Variants in PDSS2 observed in about 807,000 individuals in gnomAD.
PDSS2 encodes decaprenyl diphosphate synthase subunit 2, also known as all trans-polyprenyl-diphosphate synthase PDSS2.
Under a neutral mutation model 44.5 loss-of-function variants are expected in PDSS2, and 31 were observed. The ratio of observed to expected loss-of-function variants is 0.70; its 90% CI spans 0.52 to 0.94. The LOEUF (loss-of-function observed/expected upper bound fraction) is 0.94. PDSS2 is among the 40% of genes least tolerant of loss of function. The pLI, the probability that PDSS2 is intolerant of heterozygous loss-of-function variation, is 0.00. For missense variants in PDSS2, 452 were observed against 482.2 expected, an observed-to-expected ratio of 0.94 and a Z score of 0.59; for synonymous variants, 157 against 180.3, an observed-to-expected ratio of 0.87 and a Z score of 1.03.
chr6:107,289,130 TG>T (rs1776259756), intron 2 of PDSS2, among the ~76,000 whole-genome samples: 1 of 149,364 alleles, frequency 6.7e-6, no homozygotes, highest in Admixed American at 6.6e-5. Flanking sequence ...ACCAGCATTT[TG>T]GGAGGCCAAG....
intron 2 of PDSS2, among the ~76,000 whole-genome samples, chr6:107,284,027 A>T: frequency 6.6e-6 from 1 of 151,496 alleles, no homozygotes; most frequent in Non-Finnish European, 1.5e-5. Flanking sequence ...ACTCTGTTTC[A>T]AAAATAATAA....
intron 1 of PDSS2, among the ~76,000 whole-genome samples, chr6:107,368,543 G>T (rs967196356): frequency 6.6e-6 from 1 of 152,192 alleles, no homozygotes; most frequent in East Asian, 1.9e-4. Flanking sequence ...CAAAATCCCA[G>T]AAGACTTTTA....
intron 4 of PDSS2, among the ~76,000 whole-genome samples, chr6:107,218,647 GTATCTTA>G: frequency 6.6e-6 from 1 of 152,236 alleles, no homozygotes; most frequent in African/African-American, 2.4e-5. Context: ...ATCTAATATA[GTATCTTA>G]GGTGGGCAAT....
At position 107,173,572 on chromosome 6, in the gene PDSS2, C is replaced by CAAAAAA. The variant is rs71012783; in HGVS notation, c.1042-18801_1042-18796dup. Among the ~76,000 whole-genome samples, 214 of 41,450 alleles carry CAAAAAA rather than the reference C, an allele frequency of 5.2e-3. 28 individuals carry two copies. The highest frequency in any genetic ancestry group is 7.0e-3 in the African/African-American group (56 of 7,970). The allele number at this position is 41,450 out of a possible 152,430, so 27.2% of individuals were successfully genotyped here. ...CTGGTGATGGAATGAGACTCTGTCT[C>CAAAAAA]AAAAAAAAAAAAAAAAAAAAAAAAA... On this transcript the variant is annotated intron_variant, in intron 7 of 7. Coordinates refer to ENST00000369037, the MANE Select transcript of PDSS2 (RefSeq NM_020381.4).
chr6:107,376,121 A>C lies in PDSS2; in HGVS notation c.297-41789T>G, dbSNP rs573627906. On this transcript the variant is annotated intron_variant, in intron 1 of 7. Transcript: ENST00000369037. Reference sequence around the variant, plus strand: ...GCTCTGTTCTGTTCCATTGATTTATATTTCTGTTTTGGTACCAGTACCATG... The same window carrying C: ...GCTCTGTTCTGTTCCATTGATTTATCTTTCTGTTTTGGTACCAGTACCATG... Among the ~76,000 whole-genome samples, 6 of 152,182 alleles carry C rather than the reference A, an allele frequency of 3.9e-5. No individual in the cohort carries two copies. In the East Asian group the frequency reaches 1.2e-3, roughly 29 times the overall value.
At chr6:107,206,905 C>G (rs1772995765) in intron 6 of PDSS2, among the ~76,000 whole-genome samples, 2 of 152,154 alleles carry the variant, frequency 1.3e-5, no homozygotes, top group Admixed American at 1.3e-4. Context: ...ACACCACACT[C>G]ACTTTTTGAC....
chr6:107,251,979 T>C (rs1281912052), intron 3 of PDSS2, among the ~76,000 whole-genome samples: 1 of 152,206 alleles, frequency 6.6e-6, no homozygotes, highest in African/African-American at 2.4e-5. Flanking sequence ...CACTTTATCA[T>C]TTACAATTGG....
chr6:107,420,513 G>A (rs1780790620), intron 1 of PDSS2, among the ~76,000 whole-genome samples: 1 of 152,198 alleles, frequency 6.6e-6, no homozygotes, highest in Admixed American at 6.5e-5. Flanking sequence ...GAATCCAGAA[G>A]TGGATAAATA....
intron 7 of PDSS2, among the ~76,000 whole-genome samples, chr6:107,185,032 G>A (rs1772114377): frequency 6.6e-6 from 1 of 151,576 alleles, no homozygotes; most frequent in Admixed American, 6.6e-5. Context: ...CAGCTACTTG[G>A]GAGGTGGAGA....
chr6:107,452,196 T>G (rs1462649848), intron 1 of PDSS2, among the ~76,000 whole-genome samples: 1 of 151,842 alleles, frequency 6.6e-6, no homozygotes, highest in Non-Finnish European at 1.5e-5. Flanking sequence ...ACAAGCTTTT[T>G]CCCCTATTTT....
chr6:107,455,248 T>C (rs1781999223), intron 1 of PDSS2, among the ~76,000 whole-genome samples: 1 of 149,196 alleles, frequency 6.7e-6, no homozygotes, highest in Non-Finnish European at 1.5e-5. Context: ...TCTGAAGAGA[T>C]CTTCTCCAAA....
chr6:107,365,371 C>T (rs901304719), intron 1 of PDSS2, among the ~76,000 whole-genome samples: 15 of 151,756 alleles, frequency 9.9e-5, no homozygotes, highest in African/African-American at 3.1e-4. Flanking sequence ...CAAAATCATA[C>T]AGCTAAAAAA....
At chr6:107,445,798 T>A (rs1294547414) in intron 1 of PDSS2, among the ~76,000 whole-genome samples, 1 of 152,168 alleles carries the variant, frequency 6.6e-6, no homozygotes, top group Non-Finnish European at 1.5e-5. Flanking sequence ...CTAGTCAAAC[T>A]CCTTACTTCA....
chr6:107,243,422 A>G (rs1244648244), intron 4 of PDSS2, among the ~76,000 whole-genome samples: 1 of 152,252 alleles, frequency 6.6e-6, no homozygotes, highest in Admixed American at 6.5e-5. Context: ...TCACACAATT[A>G]TTAATGAACT....
At chr6:107,353,090 G>A (rs984058011) in intron 1 of PDSS2, among the ~76,000 whole-genome samples, 1 of 152,066 alleles carries the variant, frequency 6.6e-6, no homozygotes, top group Admixed American at 6.6e-5. Context: ...TTTGGCTTCA[G>A]TGAAAGCTGG....
intron 4 of PDSS2, among the ~76,000 whole-genome samples, chr6:107,218,929 G>T (rs1391163569): frequency 1.3e-5 from 2 of 151,886 alleles, no homozygotes; most frequent in Non-Finnish European, 2.9e-5. Context: ...CTGGTGGTGG[G>T]TGCCTGTAAT....
intron 4 of PDSS2, among the ~76,000 whole-genome samples, chr6:107,237,890 C>T (rs552298755): frequency 7.9e-4 from 113 of 142,194 alleles, no homozygotes; most frequent in African/African-American, 2.7e-3. Flanking sequence ...AGCAAGACTC[C>T]GTCTCTGAAA....
intron 1 of PDSS2, among the ~76,000 whole-genome samples, chr6:107,361,775 A>G (rs1356693445): frequency 3.9e-5 from 6 of 152,204 alleles, no homozygotes; most frequent in African/African-American, 1.4e-4. Flanking sequence ...AAATAGTCAA[A>G]AGCAGTAATT....
chr6:107,406,211 T>A (rs540625523), intron 1 of PDSS2, among the ~76,000 whole-genome samples: 11 of 152,244 alleles, frequency 7.2e-5, no homozygotes, highest in African/African-American at 2.6e-4. Flanking sequence ...CACACTCAAA[T>A]GCAAGTAATA....
Sources: gnomAD v4.1 joint callset for allele counts (sites outside exome capture counted in the v4.1 genomes callset) on GRCh38, gnomAD v4.1.1 for gene constraint, MANE v1.5 for transcripts, NCBI Gene and HGNC (gene_info 2026-07-23, HGNC 2026-07-21) for gene names.